The following DSCAM variants were observed in gnomAD, a reference collection of about 807,000 sequenced individuals.
DSCAM encodes DS cell adhesion molecule.
A neutral mutation model predicts 217.7 loss-of-function variants in DSCAM; 47 were observed. The ratio of observed to expected loss-of-function variants is 0.22; its 90% CI spans 0.17 to 0.28. The LOEUF (loss-of-function observed/expected upper bound fraction) is 0.28. Ranked by LOEUF, DSCAM falls within the 10% of genes least tolerant of loss-of-function variation. DSCAM has a pLI of 1.00. For missense variants in DSCAM, 2,080 were observed against 2,618.3 expected, an observed-to-expected ratio of 0.79 and a Z score of 4.49; for synonymous variants, 1,056 against 1,015.3, an observed-to-expected ratio of 1.04 and a Z score of -0.76.
intron 32 of DSCAM, among the ~76,000 whole-genome samples, chr21:40,028,365 G>A (rs1188458229): frequency 2.8e-5 from 4 of 140,452 alleles, no homozygotes; most frequent in African/African-American, 1.1e-4. Flanking sequence ...CTTGAGCTGT[G>A]GTGGGCTCCA....
intron 6 of DSCAM, among the ~76,000 whole-genome samples, chr21:40,346,466 C>T (rs1307953107): frequency 6.6e-6 from 1 of 151,994 alleles, no homozygotes; most frequent in Non-Finnish European, 1.5e-5. Context: ...CTTTGTACTC[C>T]CTTTAGGCTA....
chr21:40,224,361 G>A (rs2091313003), intron 11 of DSCAM, among the ~76,000 whole-genome samples: 1 of 152,206 alleles, frequency 6.6e-6, no homozygotes, highest in African/African-American at 2.4e-5. Flanking sequence ...TGGTAGTTTT[G>A]TTCTTAGTCA....
chr21:40,428,235 TGTGTGTGTGTG>T (rs2075495447), intron 3 of DSCAM, among the ~76,000 whole-genome samples: 1 of 966 alleles, frequency 1.0e-3, no homozygotes, highest in African/African-American at 3.6e-3. Context: ...GCAAATACTT[TGTGTGTGTGTG>T]TGTGTGTGTG....
In DSCAM at chr21:40,085,632, C is replaced by A; in HGVS notation, c.4102G>T (p.Asp1368Tyr). 6.4e-7 allele frequency: 1 copy of A among 1,573,420 alleles called. No individual in the cohort carries two copies. The highest frequency in any genetic ancestry group is 8.7e-7 in the Non-Finnish European group (1 of 1,149,474). The change falls in exon 23 of 33, where the codon GAT becomes TAT. Residue 1368 changes from aspartate (D) to tyrosine (Y), a missense_variant. This residue lies in a region of DSCAM where 1,144 missense variants were observed against 1,421.1 expected (regional missense o/e 0.81). Coordinates refer to ENST00000400454, the MANE Select transcript of DSCAM (RefSeq NM_001389.5). ...ACTTGTAAGTTTAAAATAATTTCAT[C>A]AGATCCCCAGTTGTTATTGGCAATG... ...SCIANNNWGS[D>Y]EIILNLQVQV...
chr21:40,468,630 C>T (rs572495677), intron 3 of DSCAM, among the ~76,000 whole-genome samples: 47 of 152,202 alleles, frequency 3.1e-4, no homozygotes, highest in Admixed American at 1.0e-3. Context: ...CCTCGTGCCC[C>T]GCCTGCACAT....
At chr21:40,159,741 C>G (rs997100349) in intron 16 of DSCAM, among the ~76,000 whole-genome samples, 9 of 152,102 alleles carry the variant, frequency 5.9e-5, no homozygotes, top group Non-Finnish European at 1.0e-4. Flanking sequence ...ATCCATCATG[C>G]CTGGCTAATT....
chr21:40,456,676 T>C (rs1848585300), intron 3 of DSCAM, among the ~76,000 whole-genome samples: 1 of 68,162 alleles, frequency 1.5e-5, no homozygotes, highest in Admixed American at 1.6e-4. Flanking sequence ...ACAAAAATTA[T>C]TGTGAATACA....
At chr21:40,668,763 C>T (rs1363054502) in intron 3 of DSCAM, among the ~76,000 whole-genome samples, 1 of 152,116 alleles carries the variant, frequency 6.6e-6, no homozygotes, top group Non-Finnish European at 1.5e-5. Flanking sequence ...ATATCATTTT[C>T]AGAAACTAAC....
At chr21:40,035,775 C>A (rs1375016340) in intron 32 of DSCAM, among the ~76,000 whole-genome samples, 1 of 148,342 alleles carries the variant, frequency 6.7e-6, no homozygotes, top group Non-Finnish European at 1.5e-5. Context: ...GTAAAGCTCT[C>A]CTCAGCAAAT....
chr21:40,459,838 G>C (rs928623314), intron 3 of DSCAM, among the ~76,000 whole-genome samples: 3 of 151,978 alleles, frequency 2.0e-5, no homozygotes, highest in Non-Finnish European at 4.4e-5. Context: ...GAATAAATAA[G>C]GTAGCAATCG....
chr21:40,410,740 T>A (rs966634845), intron 3 of DSCAM, among the ~76,000 whole-genome samples: 2 of 145,042 alleles, frequency 1.4e-5, no homozygotes, highest in Non-Finnish European at 3.0e-5. Flanking sequence ...ACTGTTGATA[T>A]AGAATTCTCT....
chr21:40,818,980 G>C (rs1040573593), intron 1 of DSCAM, among the ~76,000 whole-genome samples: 4 of 152,136 alleles, frequency 2.6e-5, no homozygotes, highest in African/African-American at 4.8e-5. Flanking sequence ...AGTATGACAG[G>C]AAACCAGGAT....
At chr21:40,167,795 G>A (rs769862216) in intron 15 of DSCAM, among the ~76,000 whole-genome samples, 11 of 152,118 alleles carry the variant, frequency 7.2e-5, no homozygotes, top group South Asian at 6.2e-4. Flanking sequence ...GGCCGGGCAC[G>A]GTGGCTCACG....
At chr21:40,768,660 G>A (rs964925907) in intron 1 of DSCAM, among the ~76,000 whole-genome samples, 2 of 152,150 alleles carry the variant, frequency 1.3e-5, no homozygotes, top group Admixed American at 6.5e-5. Context: ...GCCTTTCCCC[G>A]GTAAGTGCAG....
chr21:40,335,910 A>C (rs2074425312), intron 8 of DSCAM, among the ~76,000 whole-genome samples: 1 of 152,168 alleles, frequency 6.6e-6, no homozygotes, highest in Non-Finnish European at 1.5e-5. Context: ...CGTTACCATG[A>C]ATCCCAGCAG....
chr21:40,298,084 C>CTTTTTTTTTTTTTT (rs59908038), intron 9 of DSCAM, among the ~76,000 whole-genome samples: 1 of 132,686 alleles, frequency 7.5e-6, no homozygotes. Context: ...TTAGCTTTTA[C>CTTTTTTTTTTTTTT]TTTTTTTTTT....
At chr21:40,119,456 G>A (rs1364757437) in intron 20 of DSCAM, among the ~76,000 whole-genome samples, 1 of 152,180 alleles carries the variant, frequency 6.6e-6, no homozygotes, top group South Asian at 2.1e-4. Context: ...ATGGTGGTAA[G>A]CTGGAAATAT....
chr21:40,238,185 A>G (rs543841192), intron 11 of DSCAM, among the ~76,000 whole-genome samples: 2 of 152,294 alleles, frequency 1.3e-5, no homozygotes, highest in African/African-American at 4.8e-5. Context: ...CTCCAGGAAT[A>G]GAAATATAAG....
intron 3 of DSCAM, among the ~76,000 whole-genome samples, chr21:40,490,085 C>G (rs2076064255): frequency 6.6e-6 from 1 of 152,136 alleles, no homozygotes; most frequent in African/African-American, 2.4e-5. Flanking sequence ...TACATGGCAG[C>G]AGGCAAGAGA....
Sources: gnomAD v4.1 joint callset for allele counts (sites outside exome capture counted in the v4.1 genomes callset) on GRCh38, gnomAD v4.1.1 for gene constraint, gnomAD v4.1.1 regional missense constraint, MANE v1.5 for transcripts, NCBI Gene and HGNC (gene_info 2026-07-23, HGNC 2026-07-21) for gene names.